ARAP2: variants seen among roughly 807,000 people sequenced by gnomAD.
The protein encoded by ARAP2 is ArfGAP with RhoGAP domain, ankyrin repeat and PH domain 2.
ARAP2 carries 148 observed loss-of-function variants against 194.5 expected under a neutral mutation model. The ratio of observed to expected loss-of-function variants is 0.76; its 90% CI spans 0.67 to 0.87. The LOEUF is 0.87. ARAP2 is among the 40% of genes least tolerant of loss of function. The probability of loss-of-function intolerance (pLI) is 0.00; values close to 1 mark genes in which losing one functional copy is unlikely to be tolerated. For synonymous variants in ARAP2, 695 were observed against 683.5 expected (o/e 1.02, Z -0.26); for missense variants, 2,128 against 1,989.7 (o/e 1.07, Z -1.32).
intron 25 of ARAP2, among the ~76,000 whole-genome samples, chr4:36,115,627 C>A (rs1176474326): frequency 6.6e-6 from 1 of 151,860 alleles, no homozygotes; most frequent in South Asian, 2.1e-4. Flanking sequence ...AACGTCCAGT[C>A]GAGATTATGA....
intron 6 of ARAP2, among the ~76,000 whole-genome samples, chr4:36,200,198 A>AT (rs1336798462): frequency 6.6e-6 from 1 of 152,090 alleles, no homozygotes; most frequent in African/African-American, 2.4e-5. Context: ...AATTAAAGAT[A>AT]AAACTTTACA....
intron 5 of ARAP2, among the ~76,000 whole-genome samples, chr4:36,019,555 T>C (rs1336008735): frequency 7.1e-6 from 1 of 140,364 alleles, no homozygotes; most frequent in African/African-American, 3.3e-5. Context: ...GATGTGTCTT[T>C]GTGTGTATGT....
At chr4:36,244,698 C>A (rs77537327), upstream of ARAP2, among the ~76,000 whole-genome samples, 3,156 of 152,186 alleles carry the variant, frequency 0.021, 86 homozygotes, top group African/African-American at 0.07. Flanking sequence ...CGTCAGACCC[C>A]GCTGGGGAAG....
chr4:36,047,697 A>G (rs1366223801), intron 3 of ARAP2, among the ~76,000 whole-genome samples: 1 of 152,114 alleles, frequency 6.6e-6, no homozygotes, highest in Non-Finnish European at 1.5e-5. Flanking sequence ...CTCTTTTGTG[A>G]CTCACATATC....
intron 11 of ARAP2, among the ~76,000 whole-genome samples, chr4:36,164,009 C>T (rs1015156159): frequency 2.6e-5 from 4 of 152,174 alleles, no homozygotes; most frequent in East Asian, 1.9e-4. Flanking sequence ...CTACTCACTG[C>T]GCTCTAGCTG....
chr4:36,044,063 C>G (rs1213621396), intron 5 of ARAP2, among the ~76,000 whole-genome samples: 2 of 151,962 alleles, frequency 1.3e-5, no homozygotes, highest in Non-Finnish European at 2.9e-5. Flanking sequence ...GAGAAGCACT[C>G]AGAGGAATAA....
chr4:36,029,385 G>T (rs988277360), intron 5 of ARAP2, among the ~76,000 whole-genome samples: 2 of 151,850 alleles, frequency 1.3e-5, no homozygotes, highest in African/African-American at 4.8e-5. Flanking sequence ...TTTTTAACTG[G>T]ATTCCACCTC....
At chr4:36,046,149 C>T (rs1483446259) in intron 4 of ARAP2, 2 of 152,118 alleles carry the variant, frequency 1.3e-5, no homozygotes, top group Non-Finnish European at 1.5e-5. Context: ...TTCATTGTAC[C>T]AGCCTATAGG....
intron 31 of ARAP2, among the ~76,000 whole-genome samples, chr4:36,074,558 G>A (rs1364979469): frequency 6.6e-6 from 1 of 151,942 alleles, no homozygotes; most frequent in Non-Finnish European, 1.5e-5. Context: ...AAAGAATTTT[G>A]TACTCCCCAG....
intron 1 of ARAP2, among the ~76,000 whole-genome samples, chr4:36,233,261 C>A (rs368335240): frequency 6.6e-6 from 1 of 152,142 alleles, no homozygotes; most frequent in African/African-American, 2.4e-5. Flanking sequence ...CTCCTTAATA[C>A]GAAATTGAAG....
At chr4:36,238,857 A>G (rs1228604615) in intron 1 of ARAP2, among the ~76,000 whole-genome samples, 1 of 152,258 alleles carries the variant, frequency 6.6e-6, no homozygotes, top group African/African-American at 2.4e-5. Context: ...ATATAATGCA[A>G]CAATATGAAG....
intron 27 of ARAP2, among the ~76,000 whole-genome samples, chr4:36,106,982 A>C (rs979608382): frequency 6.6e-6 from 1 of 151,970 alleles, no homozygotes; most frequent in Non-Finnish European, 1.5e-5. Context: ...TCAAAATAAA[A>C]ATTTTCTGAG....
intron 19 of ARAP2, among the ~76,000 whole-genome samples, chr4:36,145,404 A>G (rs1035919601): frequency 8.5e-5 from 13 of 152,062 alleles, no homozygotes; most frequent in African/African-American, 3.1e-4. Context: ...GAAGGTCCTT[A>G]TCCTAAGTGA....
intron 7 of ARAP2, among the ~76,000 whole-genome samples, chr4:36,189,183 A>G (rs1741293784): frequency 6.6e-6 from 1 of 152,226 alleles, no homozygotes; most frequent in African/African-American, 2.4e-5. Flanking sequence ...AGCACTTAGT[A>G]AACAACTTAT....
intron 8 of ARAP2, 64 bp from the exon 9 acceptor site, chr4:36,178,069 C>A: frequency 7.0e-7 from 1 of 1,423,384 alleles, no homozygotes; most frequent in Non-Finnish European, 9.4e-7. Context: ...ACAGAAACGT[C>A]AAGAAGAAAT....
rs144459733 is a variant in ARAP2 at position 36,193,585 on chromosome 4, T to A, written c.1550A>T (p.Asn517Ile). ...ACTGTAAAATGTATTTACCTTCTCA[T>A]TATTGTAGTAAGAAATGCTAAGGCC... is the stretch of plus-strand genomic sequence containing the variant. The part of the protein sequence containing the change: ...FDGLSISYYN[N>I]EKEMYSKGII... The change falls in exon 7 of 33, where the codon AAT becomes ATT. Residue 517 changes from asparagine (N) to isoleucine (I), a missense_variant. Transcript: ENST00000303965. 2.8e-5 allele frequency: 44 copies of A among 1,589,088 alleles called. No homozygotes were observed. The highest frequency in any genetic ancestry group is 3.5e-5 in the Non-Finnish European group (41 of 1,169,030).
intron 28 of ARAP2, among the ~76,000 whole-genome samples, chr4:36,085,087 T>C (rs1730502392): frequency 6.6e-6 from 1 of 152,092 alleles, no homozygotes; most frequent in Non-Finnish European, 1.5e-5. Flanking sequence ...GAACAGTTTA[T>C]CCATGTCTTT....
intron 5 of ARAP2, among the ~76,000 whole-genome samples, chr4:36,040,456 G>C (rs1011929393): frequency 2.0e-5 from 3 of 152,114 alleles, no homozygotes; most frequent in African/African-American, 7.2e-5. Flanking sequence ...TAATGATATT[G>C]ATTCTTTCTA....
chr4:36,060,214 T>C (rs1025798614), intron 1 of ARAP2, among the ~76,000 whole-genome samples: 3 of 152,176 alleles, frequency 2.0e-5, no homozygotes, highest in Non-Finnish European at 2.9e-5. Flanking sequence ...AGAAGCTCTC[T>C]TGGTCTTTCT....
Sources: allele counts gnomAD v4.1 joint callset (sites outside exome capture counted in the v4.1 genomes callset), GRCh38; gene constraint gnomAD v4.1.1; transcripts MANE v1.5; gene names NCBI Gene and HGNC (gene_info 2026-07-23, HGNC 2026-07-21).